The following SUZ12 variants were observed in gnomAD, a reference collection of about 807,000 sequenced individuals.
SUZ12 encodes polycomb protein SUZ12.
In SUZ12, 17 loss-of-function variants were observed where a neutral mutation model predicts 87.3. That is an observed-to-expected ratio of 0.19 (90% CI 0.13 to 0.29). The LOEUF (loss-of-function observed/expected upper bound fraction) is 0.29. SUZ12 is among the 10% of genes least tolerant of loss of function. The probability of loss-of-function intolerance (pLI) is 1.00; values close to 1 mark genes in which losing one functional copy is unlikely to be tolerated. For missense variants in SUZ12, 526 were observed against 912.2 expected, an observed-to-expected ratio of 0.58 and a Z score of 5.45; for synonymous variants, 253 against 312.4, an observed-to-expected ratio of 0.81 and a Z score of 2.01.
chr17:31,953,776 C>T (rs1349235824), intron 4 of SUZ12, among the ~76,000 whole-genome samples: 3 of 147,158 alleles, frequency 2.0e-5, no homozygotes, highest in Admixed American at 6.8e-5. Flanking sequence ...TGCAGTGGCG[C>T]GATCTCGGCT....
intron 4 of SUZ12, among the ~76,000 whole-genome samples, chr17:31,962,877 GT>G: frequency 6.6e-6 from 1 of 152,360 alleles, no homozygotes; most frequent in East Asian, 1.9e-4. Flanking sequence ...TTAGTATGTA[GT>G]TTTAATTGAA....
intron 8 of SUZ12, among the ~76,000 whole-genome samples, chr17:31,980,601 A>G (rs1909048013): frequency 6.6e-6 from 1 of 151,578 alleles, no homozygotes. Context: ...GGCATGCGCC[A>G]CCATGCCTGG....
chr17:31,947,458 C>A (rs1470260910), intron 3 of SUZ12, among the ~76,000 whole-genome samples, 159 bp from the exon 4 acceptor site: 1 of 152,128 alleles, frequency 6.6e-6, no homozygotes, highest in Non-Finnish European at 1.5e-5. Flanking sequence ...TATACACCGT[C>A]TCCATAGTAT....
Position 32,000,750 on chromosome 17 carries a change from A to G in SUZ12, c.*1747A>G, listed in dbSNP as rs1910216835. On this transcript the variant is annotated 3_prime_UTR_variant, in exon 16 of 16. Transcript: ENST00000322652. ...AAAGAAGGCTAGCATTGTTTGCACA[A>G]AAAGTTGGTGATTCCCACCCCAAAT... 1 of 231,684 alleles carries G rather than the reference A, an allele frequency of 4.3e-6. No homozygotes were observed. Among genetic ancestry groups the G allele is most frequent in the African/African-American group, 2.2e-5 (1 of 45,382 alleles). The allele number at this position is 231,684 out of a possible 1,614,324, so 14.4% of individuals were successfully genotyped here.
At chr17:31,960,930 G>C (rs1455393981) in intron 4 of SUZ12, among the ~76,000 whole-genome samples, 1 of 152,254 alleles carries the variant, frequency 6.6e-6, no homozygotes, top group Non-Finnish European at 1.5e-5. Flanking sequence ...CTTTCTCAAA[G>C]TCCGGGCATG....
At chr17:31,955,291 T>C (rs548727295) in intron 4 of SUZ12, among the ~76,000 whole-genome samples, 19 of 152,006 alleles carry the variant, frequency 1.2e-4, no homozygotes, top group Non-Finnish European at 2.6e-4. Context: ...TAAAAAAAGG[T>C]TTTTTTAGGA....
intron 15 of SUZ12, among the ~76,000 whole-genome samples, chr17:31,997,522 G>A (rs1567840738): frequency 6.6e-6 from 1 of 152,008 alleles, no homozygotes; most frequent in Non-Finnish European, 1.5e-5. Context: ...ACTTAGCCGG[G>A]TGCAGTGTCA....
intron 4 of SUZ12, among the ~76,000 whole-genome samples, chr17:31,951,775 CT>C (rs61047916): frequency 0.22 from 24,995 of 114,088 alleles, 2,711 homozygotes; most frequent in African/African-American, 0.4. Context: ...CGCGCCCAGC[CT>C]TTTTTTTTTT....
chr17:31,962,308 A>C (rs2142154379), intron 4 of SUZ12, among the ~76,000 whole-genome samples: 1 of 152,148 alleles, frequency 6.6e-6, no homozygotes, highest in South Asian at 2.1e-4. Context: ...AACCTTAAAC[A>C]GGCCAGGCGC....
In SUZ12 at chr17:31,993,907, G is replaced by A; in HGVS notation, c.1336G>A (p.Asp446Asn). The stretch of plus-strand genomic sequence containing the variant: ...TACAAGGCAACAAACTGAAGCAAGA[G>A]ATGACCTGCATTGCCCTTGGTGTAC... ...NNTRQQTEAR[D>N]DLHCPWCTLN... Residue 446 changes from aspartate (D) to asparagine (N), a missense_variant, in exon 12 of 16, where the codon GAT (aspartate) becomes AAT (asparagine). By Grantham distance (23) the Asp-to-Asn change is conservative. Around this residue, in one of 9 missense-constraint regions of SUZ12, gnomAD observed 143 missense variants for 321.6 expected, o/e 0.44. Transcript: ENST00000322652. 6.2e-7 allele frequency: 1 copy of A among 1,613,276 alleles called. No homozygotes were observed.
chr17:31,994,272 C>T (rs1598189973), intron 12 of SUZ12: 2 of 444,692 alleles, frequency 4.5e-6, no homozygotes, highest in East Asian at 3.7e-5. Context: ...TGTGTAGTGT[C>T]TCTAATTGAC....
intron 11 of SUZ12, 98 bp from the exon 12 acceptor site, chr17:31,993,767 G>T (rs959536298): frequency 1.6e-6 from 2 of 1,240,630 alleles, no homozygotes; most frequent in African/African-American, 1.5e-5. Context: ...TTGATTTTCC[G>T]CTTAAATTTT....
chr17:31,990,003 G>A (rs1337124777), intron 10 of SUZ12, among the ~76,000 whole-genome samples: 2 of 146,250 alleles, frequency 1.4e-5, no homozygotes, highest in African/African-American at 5.1e-5. Context: ...CGCCCAGGCT[G>A]GAGTGCAGTG....
At chr17:31,957,418 T>G (rs553050581) in intron 4 of SUZ12, among the ~76,000 whole-genome samples, 2 of 144,972 alleles carry the variant, frequency 1.4e-5, no homozygotes, top group Admixed American at 1.4e-4. Flanking sequence ...TTTTGTATTC[T>G]TTTTTTTTTT....
chr17:31,994,199 C>T (rs1909858427), intron 12 of SUZ12, among the ~76,000 whole-genome samples, 191 bp downstream of exon 12: 1 of 151,908 alleles, frequency 6.6e-6, no homozygotes, highest in Non-Finnish European at 1.5e-5. Flanking sequence ...GATAGATTGC[C>T]GTATATATGG....
chr17:31,984,504 C>T (rs1426622640), intron 9 of SUZ12, among the ~76,000 whole-genome samples: 4 of 152,178 alleles, frequency 2.6e-5, no homozygotes, highest in East Asian at 1.9e-4. Context: ...TAAAAATTGT[C>T]GGGTTAAAAT....
At chr17:31,956,101 G>C (rs1018581642) in intron 4 of SUZ12, among the ~76,000 whole-genome samples, 41 of 152,028 alleles carry the variant, frequency 2.7e-4, no homozygotes, top group African/African-American at 9.6e-4. Context: ...TTTTAGTAGA[G>C]ATGGGGTTTC....
intron 4 of SUZ12, among the ~76,000 whole-genome samples, chr17:31,952,014 A>G (rs1325037074): frequency 6.6e-6 from 1 of 151,778 alleles, no homozygotes; most frequent in African/African-American, 2.4e-5. Context: ...ACCTCAAGTG[A>G]TCCTTCCACC....
At chr17:31,990,979 T>C (rs1909691085) in intron 10 of SUZ12, among the ~76,000 whole-genome samples, 1 of 152,108 alleles carries the variant, frequency 6.6e-6, no homozygotes, top group South Asian at 2.1e-4. Flanking sequence ...ACTCCTGAGC[T>C]CAAGCAATCT....
Sources: gnomAD v4.1 joint callset for allele counts (sites outside exome capture counted in the v4.1 genomes callset) on GRCh38, gnomAD v4.1.1 for gene constraint, gnomAD v4.1.1 regional missense constraint, MANE v1.5 for transcripts, NCBI Gene and HGNC (gene_info 2026-07-23, HGNC 2026-07-21) for gene names.